SLC7A14: variants seen among roughly 807,000 people sequenced by gnomAD.
The protein encoded by SLC7A14 is solute carrier family 7 member 14.
In SLC7A14, 37 loss-of-function variants were observed where a neutral mutation model predicts 60.2. That is an observed-to-expected ratio of 0.61 (90% CI 0.47 to 0.81). The LOEUF is 0.81. SLC7A14 is among the 30% of genes least tolerant of loss of function. The pLI is 0.00. For missense variants in SLC7A14, 886 were observed against 982.7 expected, an observed-to-expected ratio of 0.90 and a Z score of 1.32; for synonymous variants, 399 against 395.8, an observed-to-expected ratio of 1.01 and a Z score of -0.10.
chr3:170,483,306 G>A lies in SLC7A14; in HGVS notation c.1115+8C>T, dbSNP rs1278166882. 6.2e-7 allele frequency: 1 copy of A among 1,613,876 alleles called. No individual in the cohort carries two copies. Among genetic ancestry groups the A allele is most frequent in the South Asian group, 1.1e-5 (1 of 91,060 alleles). ...AGCAGGATAAATTTCATGGAGCATA[G>A]CCCTTACCTGAAAAGGAGCCCGTCA... On this transcript the variant is annotated splice_region_variant and intron_variant, in intron 6 of 7. Coordinates refer to ENST00000231706, the MANE Select transcript of SLC7A14 (RefSeq NM_020949.3).
intron 4 of SLC7A14, chr3:170,495,896 C>T: frequency 7.1e-7 from 1 of 1,413,454 alleles, no homozygotes; most frequent in African/African-American, 1.4e-5. Context: ...AGGCTCTGGG[C>T]TAGGAGAAGC....
intron 2 of SLC7A14, among the ~76,000 whole-genome samples, chr3:170,524,392 A>G (rs576649748): frequency 3.4e-4 from 52 of 152,366 alleles, no homozygotes; most frequent in African/African-American, 1.1e-3. Context: ...TATACTGCTC[A>G]TGAGCACTGT....
intron 4 of SLC7A14, among the ~76,000 whole-genome samples, chr3:170,497,774 TCA>T (rs1712454951): frequency 6.6e-6 from 1 of 152,216 alleles, no homozygotes; most frequent in South Asian, 2.1e-4. Context: ...CAGGTGCAAC[TCA>T]CAGCCACTTG....
chr3:170,512,006 A>G (rs1712995628), intron 2 of SLC7A14, among the ~76,000 whole-genome samples: 1 of 152,208 alleles, frequency 6.6e-6, no homozygotes. Context: ...TTGTGCAGAA[A>G]AGGAAAGGAG....
intron 1 of SLC7A14, among the ~76,000 whole-genome samples, chr3:170,536,660 C>A (rs972543912): frequency 6.6e-6 from 1 of 152,316 alleles, no homozygotes; most frequent in Admixed American, 6.5e-5. Flanking sequence ...TCCCGTAGGA[C>A]AAGCTATGGG....
intron 1 of SLC7A14, among the ~76,000 whole-genome samples, chr3:170,537,789 C>T (rs367693618): frequency 4.4e-4 from 67 of 152,306 alleles, no homozygotes; most frequent in African/African-American, 1.6e-3. Flanking sequence ...TGGCAGGTGT[C>T]CTGACCTCCA....
chr3:170,472,368 C>A (rs1426349684), intron 7 of SLC7A14, among the ~76,000 whole-genome samples: 9 of 144,546 alleles, frequency 6.2e-5, no homozygotes, highest in African/African-American at 7.7e-5. Flanking sequence ...GACTCCATCT[C>A]AAAAAAAAAA....
chr3:170,499,958 T>G (rs899474586), intron 3 of SLC7A14, among the ~76,000 whole-genome samples: 2 of 152,204 alleles, frequency 1.3e-5, no homozygotes, highest in Non-Finnish European at 2.9e-5. Flanking sequence ...AGAACAGGTT[T>G]GTTCTTTATA....
chr3:170,492,074 T>C (rs528819309), intron 4 of SLC7A14, among the ~76,000 whole-genome samples: 3 of 152,350 alleles, frequency 2.0e-5, no homozygotes, highest in African/African-American at 7.2e-5. Context: ...GAAATGAAAC[T>C]GTATATGGGT....
chr3:170,505,153 G>A (rs919012102), intron 2 of SLC7A14, among the ~76,000 whole-genome samples: 5 of 151,834 alleles, frequency 3.3e-5, no homozygotes, highest in Admixed American at 1.3e-4. Context: ...GACTGCAACA[G>A]CTGGGTAAAT....
At chr3:170,556,682 T>C (rs1047465329) in intron 1 of SLC7A14, among the ~76,000 whole-genome samples, 1 of 152,186 alleles carries the variant, frequency 6.6e-6, no homozygotes, top group African/African-American at 2.4e-5. Context: ...ACAGAGAACA[T>C]TGAGTTGCTG....
intron 7 of SLC7A14, among the ~76,000 whole-genome samples, chr3:170,472,649 C>T (rs1399501466): frequency 6.6e-6 from 1 of 151,104 alleles, no homozygotes; most frequent in African/African-American, 2.4e-5. Context: ...CACCTGTAGT[C>T]CCAGCTACTC....
rs1712495347 is a variant in SLC7A14, at chr3:170,498,763, G to A, written c.663C>T (p.Asn221=). 6.2e-7 allele frequency: 1 copy of A among 1,614,074 alleles called. No individual in the cohort carries two copies. The highest frequency in any genetic ancestry group is 1.3e-5 in the African/African-American group (1 of 74,920). The change falls in exon 4 of 8, where the codon AAC becomes AAT. Residue 221 remains asparagine, a synonymous_variant. Coordinates refer to ENST00000231706, the MANE Select transcript of SLC7A14 (RefSeq NM_020949.3). ...TCATGATGAACACCCATACTGCCAG[G>A]TTCAGCACATTGAGAACATTGTTGA... ...IGFNNVLNVL[N]LAVWVFIMIA...
chr3:170,497,102 A>G (rs71306670), intron 4 of SLC7A14, among the ~76,000 whole-genome samples: 1 of 147,824 alleles, frequency 6.8e-6, no homozygotes, highest in African/African-American at 2.5e-5. Flanking sequence ...AAAAAAAAAA[A>G]AAAAAAAAGA....
At chr3:170,556,589 A>G (rs1055093369) in intron 1 of SLC7A14, among the ~76,000 whole-genome samples, 2 of 152,218 alleles carry the variant, frequency 1.3e-5, no homozygotes, top group African/African-American at 2.4e-5. Flanking sequence ...CTTAGGCCTC[A>G]TGTGGCCTGG....
At chr3:170,491,013 A>T (rs1712200045) in intron 4 of SLC7A14, among the ~76,000 whole-genome samples, 1 of 152,020 alleles carries the variant, frequency 6.6e-6, no homozygotes, top group Non-Finnish European at 1.5e-5. Flanking sequence ...CTACTCCCCT[A>T]CCTTCCTCCT....
Position 170,481,121 on chromosome 3 carries a change from G to A in SLC7A14, c.1161C>T (p.Ala387=), listed in dbSNP as rs375259922. ...VSSYTETPVV[A]CIVSGFLAAL... ...CTGCCAGGAACCCCGACACGATGCA[G>A]GCCACCACTGGTGTCTCTGTGTAGG... Residue 387 remains alanine, a synonymous_variant, in exon 7 of 8, where the codon GCC becomes GCT. Coordinates refer to ENST00000231706, the MANE Select transcript of SLC7A14 (RefSeq NM_020949.3). 9 of 1,613,858 alleles carry A rather than the reference G, an allele frequency of 5.6e-6. No homozygotes were observed. Among genetic ancestry groups the A allele is most frequent in the Non-Finnish European group, 6.8e-6 (8 of 1,180,000 alleles).
intron 1 of SLC7A14, among the ~76,000 whole-genome samples, chr3:170,561,562 T>C (rs188498088): frequency 4.4e-4 from 67 of 152,326 alleles, no homozygotes; most frequent in Non-Finnish European, 4.9e-4. Flanking sequence ...ATATCTGCTC[T>C]GCTTACCCCA....
chr3:170,501,104 C>T lies in SLC7A14; in HGVS notation c.541+5G>A, dbSNP rs763828026. On this transcript the variant is annotated splice_donor_5th_base_variant and intron_variant, in intron 3 of 7. Transcript: ENST00000231706. ...GTTGAGGGTAGGAGGATGTGGCAGT[C>T]TCACCCAGGCCATTGAGGGTTCCCA... is the stretch of plus-strand genomic sequence containing the variant. 6.2e-6 allele frequency: 10 copies of T among 1,613,910 alleles called. No homozygotes were observed. Among genetic ancestry groups the T allele is most frequent in the Non-Finnish European group, 5.1e-6 (6 of 1,179,922 alleles).
Sources: gnomAD v4.1 joint callset for allele counts (sites outside exome capture counted in the v4.1 genomes callset) on GRCh38, gnomAD v4.1.1 for gene constraint, MANE v1.5 for transcripts, NCBI Gene and HGNC (gene_info 2026-07-23, HGNC 2026-07-21) for gene names.